MYRIP: variants seen among roughly 807,000 people sequenced by gnomAD.
The protein encoded by MYRIP is myosin VIIA and Rab interacting protein, also known as rab effector MyRIP.
Under a neutral mutation model 98.0 loss-of-function variants are expected in MYRIP, and 49 were observed. The observed-to-expected ratio is 0.50, with a 90% CI of 0.40 to 0.63. MYRIP has a LOEUF of 0.63. MYRIP is among the 30% of genes least tolerant of loss of function. The probability of loss-of-function intolerance (pLI) is 0.00; values close to 1 mark genes in which losing one functional copy is unlikely to be tolerated. For synonymous variants in MYRIP, 404 were observed against 409.5 expected (o/e 0.99, Z 0.16); for missense variants, 1,004 against 1,058.2 (o/e 0.95, Z 0.71).
At chr3:39,865,890 G>C (rs1337678226) in intron 1 of MYRIP, among the ~76,000 whole-genome samples, 1 of 152,050 alleles carries the variant, frequency 6.6e-6, no homozygotes, top group Non-Finnish European at 1.5e-5. Context: ...TTGCGGTACT[G>C]TCCATAATAG....
intron 2 of MYRIP, among the ~76,000 whole-genome samples, chr3:39,991,026 C>T (rs1036587367): frequency 6.6e-6 from 1 of 152,108 alleles, no homozygotes; most frequent in African/African-American, 2.4e-5. Context: ...GGAGGGATAA[C>T]ATTAGGAGAA....
chr3:39,992,627 A>G (rs1315695550), intron 2 of MYRIP, among the ~76,000 whole-genome samples: 1 of 152,198 alleles, frequency 6.6e-6, no homozygotes, highest in African/African-American at 2.4e-5. Context: ...AGAACACTTT[A>G]TTACCTAGAC....
chr3:40,015,752 T>C (rs1179344657), intron 2 of MYRIP, among the ~76,000 whole-genome samples: 2 of 152,234 alleles, frequency 1.3e-5, no homozygotes, highest in African/African-American at 2.4e-5. Context: ...ATTGATCTTA[T>C]TTTGTACTCT....
At chr3:39,880,243 C>A (rs1240022649) in intron 1 of MYRIP, among the ~76,000 whole-genome samples, 1 of 152,154 alleles carries the variant, frequency 6.6e-6, no homozygotes, top group African/African-American at 2.4e-5. Context: ...TATTTGTCAT[C>A]TTTTGGCTTC....
chr3:40,103,449 G>C (rs1180487738), intron 3 of MYRIP, among the ~76,000 whole-genome samples: 2 of 152,178 alleles, frequency 1.3e-5, no homozygotes, highest in African/African-American at 2.4e-5. Flanking sequence ...TTTTTTGTTT[G>C]TATTGTGAAG....
In MYRIP at chr3:40,259,008, A is replaced by T. The variant is rs546782520; in HGVS notation, c.*842A>T. 1.3e-5 allele frequency: 2 copies of T among 152,340 alleles called. No homozygotes were observed. The highest frequency in any genetic ancestry group is 6.5e-5 in the Admixed American group (1 of 15,302). 9.4% of individuals were successfully genotyped at this position (152,340 alleles called of 1,614,324 possible). A position where few individuals can be genotyped will look rare whatever the true frequency, so the allele number is the denominator to read the frequency against. ...CATGATGTGGTTTAGCAGTGATCAC[A>T]TCTAAACAAAGTTTAGGTAAATGAA... On this transcript the variant is annotated 3_prime_UTR_variant, in exon 17 of 17. Coordinates refer to ENST00000302541, the MANE Select transcript of MYRIP (RefSeq NM_015460.4).
intron 2 of MYRIP, among the ~76,000 whole-genome samples, chr3:39,973,689 T>A (rs1039460680): frequency 2.7e-5 from 3 of 110,686 alleles, no homozygotes; most frequent in African/African-American, 1.6e-4. Context: ...GAAGAGAAAT[T>A]ATAACAAACT....
intron 11 of MYRIP, among the ~76,000 whole-genome samples, chr3:40,221,042 C>CAAAAAAAA (rs150976340): frequency 1.3e-3 from 78 of 61,558 alleles, no homozygotes; most frequent in East Asian, 1.5e-3. Context: ...GGCAAGTCAC[C>CAAAAAAAA]AAAAAAAAAA....
chr3:39,930,286 T>A (rs1944505833), intron 2 of MYRIP, among the ~76,000 whole-genome samples: 1 of 152,068 alleles, frequency 6.6e-6, no homozygotes, highest in Non-Finnish European at 1.5e-5. Context: ...TATATTTTCT[T>A]GATGGTTAAT....
At chr3:39,963,038 C>A (rs374762644) in intron 2 of MYRIP, among the ~76,000 whole-genome samples, 1 of 152,116 alleles carries the variant, frequency 6.6e-6, no homozygotes, top group African/African-American at 2.4e-5. Context: ...AGCTCATGTA[C>A]GAGAAGGGGC....
chr3:39,958,750 G>A (rs1370528277), intron 2 of MYRIP, among the ~76,000 whole-genome samples: 1 of 152,112 alleles, frequency 6.6e-6, no homozygotes, highest in Non-Finnish European at 1.5e-5. Flanking sequence ...GCAACCTACA[G>A]AATGGGAGAA....
chr3:40,225,378 A>T (rs1416458853), intron 11 of MYRIP, among the ~76,000 whole-genome samples: 2 of 152,146 alleles, frequency 1.3e-5, no homozygotes, highest in African/African-American at 4.8e-5. Context: ...AGTTGGTGTC[A>T]GTTGGTAGAG....
At chr3:40,084,872 CTA>C (rs1362422632) in intron 3 of MYRIP, among the ~76,000 whole-genome samples, 2 of 81,580 alleles carry the variant, frequency 2.5e-5, no homozygotes, top group African/African-American at 4.5e-5. Context: ...TAATATATAT[CTA>C]TGTGTTACAT....
intron 1 of MYRIP, among the ~76,000 whole-genome samples, chr3:39,825,503 T>C (rs1941235752): frequency 6.6e-6 from 1 of 152,232 alleles, no homozygotes; most frequent in Admixed American, 6.5e-5. Flanking sequence ...TTTATTGATT[T>C]GCAGGTGTTG....
At chr3:40,148,452 G>A (rs1226327980) in intron 3 of MYRIP, among the ~76,000 whole-genome samples, 2 of 151,980 alleles carry the variant, frequency 1.3e-5, no homozygotes, top group Admixed American at 1.3e-4. Flanking sequence ...GATCCCCCAT[G>A]TCTCTTTTCT....
chr3:40,158,331 T>A (rs1950292638), intron 4 of MYRIP, among the ~76,000 whole-genome samples: 1 of 152,226 alleles, frequency 6.6e-6, no homozygotes, highest in South Asian at 2.1e-4. Context: ...AATCCTGAGT[T>A]CTAGTTTGAT....
Position 39,994,670 on chromosome 3 carries a change from C to T in MYRIP, c.111-49380C>T, listed in dbSNP as rs529580074. Among the ~76,000 whole-genome samples the T allele has an allele frequency of 1.1e-3, 161 of 152,284 alleles. 1 individual carries two copies. Among genetic ancestry groups the T allele is most frequent in the African/African-American group, 3.8e-3 (159 of 41,562 alleles). ...CTCTGCAGACTTAAATGTCCCTGTC[C>T]GACAGCTTTGAAGAGAATAATGGTT... is the stretch of plus-strand genomic sequence containing the variant. On this transcript the variant is annotated intron_variant, in intron 2 of 16. Coordinates refer to ENST00000302541, the MANE Select transcript of MYRIP (RefSeq NM_015460.4).
At chr3:39,922,662 A>C (rs948428378) in intron 2 of MYRIP, among the ~76,000 whole-genome samples, 2 of 152,188 alleles carry the variant, frequency 1.3e-5, no homozygotes, top group Admixed American at 6.5e-5. Flanking sequence ...ACAGAGGTCA[A>C]ATGAGGACCC....
At chr3:39,907,071 TTGAGTACCGAACTCC>T (rs1943896772) in intron 2 of MYRIP, among the ~76,000 whole-genome samples, 1 of 151,916 alleles carries the variant, frequency 6.6e-6, no homozygotes, top group Non-Finnish European at 1.5e-5. Flanking sequence ...ATGGTAACTC[TTGAGTACCGAACTCC>T]TGAGTACCCC....
Sources: gnomAD v4.1 joint callset for allele counts (sites outside exome capture counted in the v4.1 genomes callset) on GRCh38, gnomAD v4.1.1 for gene constraint, MANE v1.5 for transcripts, NCBI Gene and HGNC (gene_info 2026-07-23, HGNC 2026-07-21) for gene names.